The following CHRNA7 variants were observed in gnomAD, a reference collection of about 807,000 sequenced individuals.
The protein encoded by CHRNA7 is neuronal acetylcholine receptor subunit alpha-7.
CHRNA7 carries 17 observed loss-of-function variants against 48.0 expected under a neutral mutation model. That is an observed-to-expected ratio of 0.35 (90% CI 0.24 to 0.53). The LOEUF (loss-of-function observed/expected upper bound fraction) is 0.53. Among genes scored for constraint, CHRNA7 ranks in the 20% least tolerant of loss-of-function variants. CHRNA7 has a pLI of 0.92. For synonymous variants in CHRNA7, 75 were observed against 242.3 expected, an observed-to-expected ratio of 0.31 and a Z score of 6.41; for missense variants, 155 against 577.7, an observed-to-expected ratio of 0.27 and a Z score of 7.50.
chr15:32,135,293 A>G (rs2051234585), intron 4 of CHRNA7, among the ~76,000 whole-genome samples: 2 of 152,252 alleles, frequency 1.3e-5, no homozygotes, highest in African/African-American at 4.8e-5. Context: ...ACATACAGAT[A>G]TAAAAATGAG....
chr15:32,062,487 C>G (rs28704995), intron 2 of CHRNA7, among the ~76,000 whole-genome samples: 8,727 of 152,038 alleles, frequency 0.057, 279 homozygotes, highest in Middle Eastern at 0.11. Flanking sequence ...TCCAGTAGAC[C>G]TGTAATTTTC....
chr15:32,042,589 C>T (rs1052721780), intron 2 of CHRNA7, among the ~76,000 whole-genome samples: 7 of 152,152 alleles, frequency 4.6e-5, no homozygotes, highest in African/African-American at 1.7e-4. Flanking sequence ...ACTGAGCCTC[C>T]AGGAATTTGC....
intron 4 of CHRNA7, among the ~76,000 whole-genome samples, chr15:32,139,418 C>T (rs570410512): frequency 1.3e-5 from 2 of 152,288 alleles, no homozygotes; most frequent in South Asian, 4.1e-4. Context: ...GAGTATGCTT[C>T]GTTTTGTAGG....
intron 4 of CHRNA7, among the ~76,000 whole-genome samples, chr15:32,150,960 G>A (rs375119449): frequency 6.6e-6 from 1 of 152,034 alleles, no homozygotes; most frequent in African/African-American, 2.4e-5. Flanking sequence ...GGGGGGATGT[G>A]TCCTTTCATG....
At chr15:32,044,246 T>G (rs1370715800) in intron 2 of CHRNA7, among the ~76,000 whole-genome samples, 4 of 148,128 alleles carry the variant, frequency 2.7e-5, no homozygotes, top group Non-Finnish European at 4.4e-5. Context: ...GATCGATCGA[T>G]CTTTTCCTCC....
At chr15:32,042,280 A>G (rs1293731244) in intron 2 of CHRNA7, among the ~76,000 whole-genome samples, 2 of 152,202 alleles carry the variant, frequency 1.3e-5, no homozygotes, top group Non-Finnish European at 2.9e-5. Flanking sequence ...TAGGATGGCT[A>G]GAGTGGGTGG....
chr15:32,030,756 C>T, intron 1 of CHRNA7, 107 bp downstream of exon 1: 1 of 1,512,976 alleles, frequency 6.6e-7, no homozygotes, highest in Admixed American at 2.2e-5. Context: ...CTCCCCGCCG[C>T]CGGGGAGGGG....
At chr15:32,085,638 A>G (rs1044477730) in intron 2 of CHRNA7, among the ~76,000 whole-genome samples, 2 of 152,236 alleles carry the variant, frequency 1.3e-5, no homozygotes, top group South Asian at 2.1e-4. Context: ...CAGAGTTTCA[A>G]TTATGCTGAC....
chr15:32,115,137 G>A (rs1377585494), intron 4 of CHRNA7, among the ~76,000 whole-genome samples: 1 of 152,184 alleles, frequency 6.6e-6, no homozygotes, highest in African/African-American at 2.4e-5. Flanking sequence ...GAGTAGGCAG[G>A]AGCCCAGCTT....
At chr15:32,065,844 C>T (rs956744958) in intron 2 of CHRNA7, among the ~76,000 whole-genome samples, 1 of 150,386 alleles carries the variant, frequency 6.6e-6, no homozygotes, top group Non-Finnish European at 1.5e-5. Context: ...CCACTGCAAA[C>T]ACTGGGGACA....
rs2049558951 is a variant in CHRNA7 at position 32,046,878 on chromosome 15, T to G, written c.195+15841T>G. Among the ~76,000 whole-genome samples the G allele has an allele frequency of 2.0e-5, 3 of 151,946 alleles. No individual in the cohort carries two copies. The South Asian group carries it at 6.2e-4, about 32-fold the overall frequency. ...GTAAGGAAGGGATCCAGTTTCAGCT[T>G]TCTACACATGGCTAGCCAGTTTTCC... On this transcript the variant is annotated intron_variant, in intron 2 of 9. Coordinates refer to ENST00000306901, the MANE Select transcript of CHRNA7 (RefSeq NM_000746.6).
intron 4 of CHRNA7, among the ~76,000 whole-genome samples, chr15:32,148,421 C>G (rs562848628): frequency 7.2e-5 from 11 of 152,246 alleles, no homozygotes; most frequent in African/African-American, 2.6e-4. Flanking sequence ...TGAGGCCTCC[C>G]GTGCTCAGCC....
At chr15:32,093,668 CAT>C (rs1473124718) in intron 2 of CHRNA7, among the ~76,000 whole-genome samples, 1 of 152,174 alleles carries the variant, frequency 6.6e-6, no homozygotes, top group Non-Finnish European at 1.5e-5. Flanking sequence ...GTTCACCTGG[CAT>C]TTATTCTCCC....
chr15:32,163,416 A>G, intron 9 of CHRNA7, 81 bp downstream of exon 9: 1 of 412,628 alleles, frequency 2.4e-6, no homozygotes, highest in Non-Finnish European at 3.9e-6. Flanking sequence ...AAAATCACAC[A>G]AAAAATGGGC....
intron 2 of CHRNA7, among the ~76,000 whole-genome samples, chr15:32,036,132 G>T (rs927057012): frequency 2.0e-5 from 3 of 152,164 alleles, no homozygotes; most frequent in Non-Finnish European, 4.4e-5. Context: ...ACCTTTTGTT[G>T]TCTCCATAGT....
At chr15:32,134,834 T>C (rs2051220911) in intron 4 of CHRNA7, among the ~76,000 whole-genome samples, 1 of 152,162 alleles carries the variant, frequency 6.6e-6, no homozygotes, top group South Asian at 2.1e-4. Flanking sequence ...GCCATCAAAA[T>C]TAAAGACAGT....
intron 2 of CHRNA7, among the ~76,000 whole-genome samples, chr15:32,075,882 A>G (rs2050129455): frequency 6.6e-6 from 1 of 151,788 alleles, no homozygotes; most frequent in Non-Finnish European, 1.5e-5. Context: ...ACAAATTTTA[A>G]TATGTTGTAT....
chr15:32,131,926 G>A (rs1315635499), intron 4 of CHRNA7, among the ~76,000 whole-genome samples: 1 of 152,058 alleles, frequency 6.6e-6, no homozygotes, highest in African/African-American at 2.4e-5. Context: ...GGGGACCTTG[G>A]TACTGCTAGG....
chr15:32,049,163 T>C (rs1476072994), intron 2 of CHRNA7, among the ~76,000 whole-genome samples: 1 of 151,968 alleles, frequency 6.6e-6, no homozygotes, highest in Non-Finnish European at 1.5e-5. Context: ...CTATTAGGTC[T>C]GCTTGGTGCA....
Sources: allele counts gnomAD v4.1 joint callset (sites outside exome capture counted in the v4.1 genomes callset), GRCh38; gene constraint gnomAD v4.1.1; transcripts MANE v1.5; gene names NCBI Gene and HGNC (gene_info 2026-07-23, HGNC 2026-07-21).